The following MGAT4C variants were observed in gnomAD, a reference collection of about 807,000 sequenced individuals.
The protein encoded by MGAT4C is MGAT4 family member C, also known as alpha-1,3-mannosyl-glycoprotein 4-beta-N-acetylglucosaminyltransferase C.
A neutral mutation model predicts 40.1 loss-of-function variants in MGAT4C; 19 were observed. The observed-to-expected ratio is 0.47, with a 90% CI of 0.33 to 0.70. The LOEUF (loss-of-function observed/expected upper bound fraction) is 0.70. Ranked by LOEUF, MGAT4C falls within the 30% of genes least tolerant of loss-of-function variation. MGAT4C has a pLI of 0.02. For synonymous variants in MGAT4C, 181 were observed against 187.1 expected (o/e 0.97, Z 0.27); for missense variants, 491 against 563.2 (o/e 0.87, Z 1.30).
chr12:86,813,715 C>T (rs992999148), intron 1 of MGAT4C, among the ~76,000 whole-genome samples: 2 of 151,974 alleles, frequency 1.3e-5, no homozygotes, highest in Non-Finnish European at 2.9e-5. Flanking sequence ...CAGTTTCATC[C>T]AAAACTATGT....
intron 2 of MGAT4C, among the ~76,000 whole-genome samples, chr12:86,679,150 T>A (rs1352891397): frequency 6.6e-6 from 1 of 152,176 alleles, no homozygotes; most frequent in African/African-American, 2.4e-5. Flanking sequence ...TATCTCATTG[T>A]GGTTTTGATT....
intron 2 of MGAT4C, among the ~76,000 whole-genome samples, chr12:86,607,716 C>T (rs1962093811): frequency 2.0e-5 from 3 of 152,116 alleles, no homozygotes; most frequent in Admixed American, 2.0e-4. Flanking sequence ...CCACTTCAGT[C>T]CATTTTTAAA....
At chr12:86,768,098 G>T (rs1277277825) in intron 1 of MGAT4C, among the ~76,000 whole-genome samples, 6 of 152,136 alleles carry the variant, frequency 3.9e-5, no homozygotes, top group Non-Finnish European at 5.9e-5. Context: ...CAGATGACAT[G>T]ATTGTATATC....
chr12:86,422,422 T>A (rs1310794727), intron 3 of MGAT4C, among the ~76,000 whole-genome samples: 1 of 152,198 alleles, frequency 6.6e-6, no homozygotes, highest in East Asian at 1.9e-4. Context: ...AACATCAGTA[T>A]CACTGAAACA....
intron 3 of MGAT4C, among the ~76,000 whole-genome samples, chr12:86,399,482 C>T (rs559780954): frequency 3.3e-5 from 5 of 151,846 alleles, no homozygotes; most frequent in South Asian, 4.1e-4. Context: ...GGGGTTTCAC[C>T]GTGTTAGCCA....
chr12:86,645,924 TA>T lies in MGAT4C; in HGVS notation c.-229+81284del, dbSNP rs1047002127. On this transcript the variant is annotated intron_variant, in intron 2 of 7. Transcript: ENST00000548651. Reference sequence around the variant, plus strand: ...TTGAAGTTTCCCACCCCCTGTAAAATAAAAGAATACTTTTAATTAATCTATA... The same window carrying T: ...TTGAAGTTTCCCACCCCCTGTAAAATAAAGAATACTTTTAATTAATCTATA... Among the ~76,000 whole-genome samples, 48 of 151,958 alleles carry T rather than the reference TA, an allele frequency of 3.2e-4. 1 individual carries two copies. The highest frequency in any genetic ancestry group is 1.1e-3 in the African/African-American group (47 of 41,528).
At chr12:86,418,546 G>A (rs1412241969) in intron 3 of MGAT4C, among the ~76,000 whole-genome samples, 1 of 151,850 alleles carries the variant, frequency 6.6e-6, no homozygotes, top group Non-Finnish European at 1.5e-5. Flanking sequence ...AGCCAAGATC[G>A]TGCCACTGCA....
chr12:86,572,114 T>C (rs1288991573), intron 2 of MGAT4C, among the ~76,000 whole-genome samples: 1 of 152,170 alleles, frequency 6.6e-6, no homozygotes, highest in Non-Finnish European at 1.5e-5. Flanking sequence ...ATTGCTCACA[T>C]GAAAATGGAG....
intron 2 of MGAT4C, among the ~76,000 whole-genome samples, chr12:86,030,704 A>T (rs2136903275): frequency 6.6e-6 from 1 of 151,940 alleles, no homozygotes; most frequent in East Asian, 1.9e-4. Flanking sequence ...CAGTAGTTCA[A>T]AGCACATTTT....
At chr12:86,656,334 AAAAC>A (rs1460677282) in intron 2 of MGAT4C, among the ~76,000 whole-genome samples, 2 of 152,082 alleles carry the variant, frequency 1.3e-5, no homozygotes, top group African/African-American at 4.8e-5. Context: ...CATTTTGAAA[AAAAC>A]AAGTATACAC....
At chr12:86,587,074 T>C (rs1961080255) in intron 2 of MGAT4C, among the ~76,000 whole-genome samples, 1 of 152,178 alleles carries the variant, frequency 6.6e-6, no homozygotes, top group South Asian at 2.1e-4. Flanking sequence ...TTTAGGGTTT[T>C]TATGGTTTTA....
chr12:86,555,866 T>C (rs1419358548), intron 2 of MGAT4C, among the ~76,000 whole-genome samples: 1 of 152,196 alleles, frequency 6.6e-6, no homozygotes, highest in African/African-American at 2.4e-5. Context: ...TCTCTCAAAC[T>C]GTCTTTTCTG....
At chr12:86,251,791 C>G (rs1057279861) in intron 1 of MGAT4C, among the ~76,000 whole-genome samples, 1 of 151,960 alleles carries the variant, frequency 6.6e-6, no homozygotes, top group Admixed American at 6.6e-5. Flanking sequence ...GGTAGAGAGC[C>G]ACTTACTTGT....
chr12:86,472,133 A>T (rs898717735), intron 2 of MGAT4C, among the ~76,000 whole-genome samples: 2 of 152,140 alleles, frequency 1.3e-5, no homozygotes, highest in South Asian at 4.1e-4. Context: ...TAGGGCACCA[A>T]TTGTAGGATG....
chr12:86,745,372 G>A (rs887344416), intron 1 of MGAT4C, among the ~76,000 whole-genome samples: 1 of 151,582 alleles, frequency 6.6e-6, no homozygotes, highest in Non-Finnish European at 1.5e-5. Context: ...TTACTTTGAA[G>A]AACTAAAGAC....
rs544504473 is a variant in MGAT4C at position 86,681,791 on chromosome 12, G to A, written c.-229+45418C>T. On this transcript the variant is annotated intron_variant, in intron 2 of 7. Transcript: ENST00000548651. The stretch of plus-strand genomic sequence containing the variant: ...GAAAATTTTCACAAGGTTAACATAA[G>A]CTCAAACATGAAATATCTATTCCCC... 3.3e-5 allele frequency among the ~76,000 whole-genome samples: 5 copies of A among 151,978 alleles called. No homozygotes were observed. In the South Asian group the frequency reaches 1.0e-3, roughly 31 times the overall value.
upstream of MGAT4C, among the ~76,000 whole-genome samples, chr12:86,259,595 G>A (rs1952613172): frequency 1.3e-5 from 2 of 150,102 alleles, no homozygotes; most frequent in South Asian, 2.1e-4. Context: ...AACAAACACT[G>A]CATTTGAGAA....
intron 2 of MGAT4C, among the ~76,000 whole-genome samples, chr12:86,599,222 T>C (rs919048064): frequency 5.3e-5 from 8 of 152,132 alleles, no homozygotes; most frequent in African/African-American, 1.9e-4. Flanking sequence ...CAGATATGAA[T>C]AATAAATGTA....
chr12:86,271,972 T>C (rs1017765230), intron 4 of MGAT4C, among the ~76,000 whole-genome samples: 3 of 151,766 alleles, frequency 2.0e-5, no homozygotes, highest in South Asian at 2.1e-4. Flanking sequence ...AGATAGACAA[T>C]GAAACTACAG....
Sources: allele counts gnomAD v4.1 joint callset (sites outside exome capture counted in the v4.1 genomes callset), GRCh38; gene constraint gnomAD v4.1.1; transcripts MANE v1.5; gene names NCBI Gene and HGNC (gene_info 2026-07-23, HGNC 2026-07-21).